Variants in ARL8A observed in about 807,000 individuals in gnomAD.
ARL8A encodes the protein ADP-ribosylation factor-like protein 8A.
Under a neutral mutation model 31.2 loss-of-function variants are expected in ARL8A, and 10 were observed. That is an observed-to-expected ratio of 0.32 (90% confidence interval 0.20 to 0.54). The LOEUF is 0.54. Ranked by LOEUF, ARL8A falls within the 20% of genes least tolerant of loss-of-function variation. The probability of loss-of-function intolerance (pLI) is 0.93; values close to 1 mark genes in which losing one functional copy is unlikely to be tolerated. For missense variants in ARL8A, 129 were observed against 242.8 expected (o/e 0.53, Z 3.12); for synonymous variants, 70 against 86.9 (o/e 0.81, Z 1.08).
chr1:202,137,899 T>C lies in ARL8A; in HGVS notation c.278+66A>G. On this transcript the variant is annotated intron_variant, in intron 3 of 6. Transcript: ENST00000272217. ...ATAAAACCCTGCGCCTCTGAGGTCC[T>C]CGAAGGTAGCAGGGCTAGGGGGGCC... The C allele has an allele frequency of 1.9e-6, 3 of 1,571,156 alleles. No homozygotes were observed. The South Asian group carries it at 3.4e-5, about 18-fold the overall frequency.
chr1:202,134,577 A>G lies in ARL8A; in HGVS notation c.512-61T>C. ...CAAGTACTGGCCGTGCTGGGGCAGC[A>G]GAGAGGCCCAAGAAACCAAACCTAA... On this transcript the variant is annotated intron_variant, in intron 6 of 6. Coordinates refer to ENST00000272217, the MANE Select transcript of ARL8A (RefSeq NM_138795.4). This position sits in a 1 kb window ranked among gnomAD's most constrained non-coding sequence, Gnocchi z 4.2. 1 of 1,512,658 alleles carries G rather than the reference A, an allele frequency of 6.6e-7. No homozygotes were observed. The allele number at this position is 1,512,658 out of a possible 1,614,324, so 93.7% of individuals were successfully genotyped here.
Position 202,135,998 on chromosome 1 carries a change from G to A in ARL8A, c.279-198C>T, listed in dbSNP as rs796861647. 1.3e-5 allele frequency among the ~76,000 whole-genome samples: 2 copies of A among 152,142 alleles called. No homozygotes were observed. The highest frequency in any genetic ancestry group is 2.9e-5 in the Non-Finnish European group (2 of 68,026). On this transcript the variant is annotated intron_variant, in intron 3 of 6. Coordinates refer to ENST00000272217, the MANE Select transcript of ARL8A (RefSeq NM_138795.4). This position sits in a 1 kb window ranked among gnomAD's most constrained non-coding sequence, Gnocchi z 5.3. The stretch of plus-strand genomic sequence containing the variant: ...AGTCTATGGGAGTGAACAGCTGCAG[G>A]GACTCCTTAGGCCTGCCATTAGCCT...
Position 202,135,871 on chromosome 1 carries a change from A to T in ARL8A, c.279-71T>A. ...CTGAGGTGGTGCAAGGAAGAGAAGGAGCTGCTGCTTGGAGGTGAAAGCATC... is the reference window on the plus strand; with the variant it reads ...CTGAGGTGGTGCAAGGAAGAGAAGGTGCTGCTGCTTGGAGGTGAAAGCATC... On this transcript the variant is annotated intron_variant, in intron 3 of 6. Coordinates refer to ENST00000272217, the MANE Select transcript of ARL8A (RefSeq NM_138795.4). This position sits in a 1 kb window ranked among gnomAD's most constrained non-coding sequence, Gnocchi z 5.3. 1 of 1,396,448 alleles carries T rather than the reference A, an allele frequency of 7.2e-7. No homozygotes were observed. The highest frequency in any genetic ancestry group is 1.0e-6 in the Non-Finnish European group (1 of 985,552). 86.5% of individuals were successfully genotyped at this position (1,396,448 alleles called of 1,614,324 possible).
chr1:202,135,283 G>T lies in ARL8A; in HGVS notation c.441-63C>A. Reference sequence around the variant, plus strand: ...ACGTCCAGGGGGCCTGGGGCTAGGGGACAGCGGGGCCTTTTTCTTACCTAA... The same window carrying T: ...ACGTCCAGGGGGCCTGGGGCTAGGGTACAGCGGGGCCTTTTTCTTACCTAA... On this transcript the variant is annotated intron_variant, in intron 5 of 6. Coordinates refer to ENST00000272217, the MANE Select transcript of ARL8A (RefSeq NM_138795.4). This position sits in a 1 kb window ranked among gnomAD's most constrained non-coding sequence, Gnocchi z 5.3. The T allele has an allele frequency of 6.5e-7, 1 of 1,542,122 alleles. No homozygotes were observed. The highest frequency in any genetic ancestry group is 9.0e-7 in the Non-Finnish European group (1 of 1,115,032).
At position 202,133,777 on chromosome 1, in the gene ARL8A, C is replaced by T. The variant is rs955996589; in HGVS notation, c.*690G>A. The T allele has an allele frequency of 2.0e-5, 3 of 152,082 alleles. No individual in the cohort carries two copies. The highest frequency in any genetic ancestry group is 2.1e-4 in the South Asian group (1 of 4,818). 9.4% of individuals were successfully genotyped at this position (152,082 alleles called of 1,614,324 possible). On this transcript the variant is annotated 3_prime_UTR_variant, in exon 7 of 7. Coordinates refer to ENST00000272217, the MANE Select transcript of ARL8A (RefSeq NM_138795.4). The stretch of plus-strand genomic sequence containing the variant: ...TGCCTGGTGGTTTCTGGTACCTGGT[C>T]GTCGTACCTGGTGGCTCTACCCAGG...
chr1:202,143,221 C>T (rs1176371905), intron 1 of ARL8A, among the ~76,000 whole-genome samples: 1 of 152,216 alleles, frequency 6.6e-6, no homozygotes, highest in African/African-American at 2.4e-5. Context: ...TGTGTAACCA[C>T]AGGATGCCCG....
intron 1 of ARL8A, among the ~76,000 whole-genome samples, chr1:202,143,861 T>C (rs1655229553): frequency 6.6e-6 from 1 of 152,226 alleles, no homozygotes; most frequent in Non-Finnish European, 1.5e-5. Context: ...CGGGGAGAAG[T>C]TGGGGAGGAG....
At chr1:202,143,863 G>C (rs1655229630) in intron 1 of ARL8A, among the ~76,000 whole-genome samples, 1 of 152,228 alleles carries the variant, frequency 6.6e-6, no homozygotes, top group Non-Finnish European at 1.5e-5. Flanking sequence ...GGGAGAAGTT[G>C]GGGAGGAGTC....
At position 202,135,544 on chromosome 1, in the gene ARL8A, T is replaced by G. The variant is rs1571718860; in HGVS notation, c.373-18A>C. The G allele has an allele frequency of 6.2e-7, 1 of 1,613,260 alleles. No homozygotes were observed. Among genetic ancestry groups the G allele is most frequent in the Non-Finnish European group, 8.5e-7 (1 of 1,179,554 alleles). ...ACTAAGACCTACGGAGAAGGGAGGGTGAGGATGAGGTCTAGGGCAGCCGTG... is the reference window on the plus strand; with the variant it reads ...ACTAAGACCTACGGAGAAGGGAGGGGGAGGATGAGGTCTAGGGCAGCCGTG... On this transcript the variant is annotated intron_variant, in intron 4 of 6. Transcript: ENST00000272217. This position sits in a 1 kb window ranked among gnomAD's most constrained non-coding sequence, Gnocchi z 5.3.
At position 202,143,968 on chromosome 1, in the gene ARL8A, GGGGTTAAGCCCTCT is replaced by G. The variant is rs572215490; in HGVS notation, c.123+468_123+481del. On this transcript the variant is annotated intron_variant, in intron 1 of 6. Transcript: ENST00000272217. ...CCGGGGCTTCCTCTTCCGGCAAGGA[GGGGTTAAGCCCTCT>G]GGGTGGGGCTGGGCTTGCCCAAACC... 4.0e-3 allele frequency among the ~76,000 whole-genome samples: 608 copies of G among 152,350 alleles called. 4 individuals are homozygous for G. Among genetic ancestry groups the G allele is most frequent in the African/African-American group, 0.013 (548 of 41,590 alleles).
At chr1:202,143,153 C>G (rs559711474) in intron 1 of ARL8A, among the ~76,000 whole-genome samples, 29 of 152,224 alleles carry the variant, frequency 1.9e-4, no homozygotes, top group Non-Finnish European at 1.2e-4. Flanking sequence ...GACACTGGGT[C>G]GAGAAAGGGC....
rs76292142 is a variant in ARL8A, at chr1:202,138,185, C to T, written c.205-147G>A. ...TTCTCCCCCGTCTCCACCCGCTCTC[C>T]GTCTACCTTAGAAGTCTTCTACTGT... is the stretch of plus-strand genomic sequence containing the variant. On this transcript the variant is annotated intron_variant, in intron 2 of 6. Coordinates refer to ENST00000272217, the MANE Select transcript of ARL8A (RefSeq NM_138795.4). This position sits in a 1 kb window ranked among gnomAD's most constrained non-coding sequence, Gnocchi z 4.4. The T allele has an allele frequency of 4.0e-4, 462 of 1,157,826 alleles. 2 individuals carry two copies. The Middle Eastern group carries it at 5.0e-3, about 12-fold the overall frequency. The allele number at this position is 1,157,826 out of a possible 1,614,324, so 71.7% of individuals were successfully genotyped here.
At position 202,144,389 on chromosome 1, in the gene ARL8A, G is replaced by T; in HGVS notation, c.123+61C>A. The T allele has an allele frequency of 1.9e-6, 2 of 1,072,252 alleles. No individual in the cohort carries two copies. Among genetic ancestry groups the T allele is most frequent in the South Asian group, 3.0e-5 (1 of 33,432 alleles). The allele number at this position is 1,072,252 out of a possible 1,614,324, so 66.4% of individuals were successfully genotyped here. A position where few individuals can be genotyped will look rare whatever the true frequency, so the allele number is the denominator to read the frequency against. ...CCCCGGCTCAGCAGGGCGCGGCGCG[G>T]GCGGGGACAGGCCCGACCCGCGGCC... On this transcript the variant is annotated intron_variant, in intron 1 of 6. Transcript: ENST00000272217. This position sits in a 1 kb window ranked among gnomAD's most constrained non-coding sequence, Gnocchi z 5.2.
Position 202,135,289 on chromosome 1 carries a change from G to C in ARL8A, c.441-69C>G. On this transcript the variant is annotated intron_variant, in intron 5 of 6. Coordinates refer to ENST00000272217, the MANE Select transcript of ARL8A (RefSeq NM_138795.4). This position sits in a 1 kb window ranked among gnomAD's most constrained non-coding sequence, Gnocchi z 5.3. ...AGGGGGCCTGGGGCTAGGGGACAGC[G>C]GGGCCTTTTTCTTACCTAAGAGGCT... The C allele has an allele frequency of 6.5e-7, 1 of 1,531,594 alleles. No homozygotes were observed. Among genetic ancestry groups the C allele is most frequent in the Non-Finnish European group, 9.0e-7 (1 of 1,105,764 alleles). 94.9% of individuals were successfully genotyped at this position (1,531,594 alleles called of 1,614,324 possible).
chr1:202,143,456 CT>C (rs1655216793), intron 1 of ARL8A, among the ~76,000 whole-genome samples: 1 of 152,220 alleles, frequency 6.6e-6, no homozygotes, highest in South Asian at 2.1e-4. Context: ...GAAACCTCAG[CT>C]TTGGGACTGG....
chr1:202,134,984 C>G lies in ARL8A; in HGVS notation c.511+166G>C, dbSNP rs1192160154. ...TGCCCGAGATCACACAACCGCTTGG[C>G]GACAAGCTGGGATAGTGCCCAGAAT... On this transcript the variant is annotated intron_variant, in intron 6 of 6. Transcript: ENST00000272217. The surrounding 1 kb of genome is among the most constrained non-coding windows in gnomAD (Gnocchi z 4.2). 6.6e-6 allele frequency among the ~76,000 whole-genome samples: 1 copy of G among 152,148 alleles called. No homozygotes were observed. Among genetic ancestry groups the G allele is most frequent in the Admixed American group, 6.5e-5 (1 of 15,270 alleles).
intron 3 of ARL8A, among the ~76,000 whole-genome samples, 195 bp downstream of exon 3, chr1:202,137,770 G>T (rs1181337722): frequency 6.6e-6 from 1 of 152,232 alleles, no homozygotes; most frequent in Non-Finnish European, 1.5e-5. Context: ...TTCTTAGATT[G>T]GGTAGTGAGT....
intron 1 of ARL8A, among the ~76,000 whole-genome samples, chr1:202,140,854 C>G (rs953092227): frequency 6.6e-6 from 1 of 152,208 alleles, no homozygotes; most frequent in African/African-American, 2.4e-5. Flanking sequence ...TCTTGTTTGT[C>G]TCTCATCCCA....
At chr1:202,140,212 CTCTGCCTCCTGGGTTCAAGCAGT>C (rs1304535207) in intron 1 of ARL8A, among the ~76,000 whole-genome samples, 1 of 151,062 alleles carries the variant, frequency 6.6e-6, no homozygotes, top group Non-Finnish European at 1.5e-5. Context: ...TCACTGTAGC[CTCTGCCTCCTGGGTTCAAGCAGT>C]TCTCCTGCCT....
Sources: allele counts gnomAD v4.1 joint callset (sites outside exome capture counted in the v4.1 genomes callset), GRCh38; gene constraint gnomAD v4.1.1; non-coding constraint Gnocchi (gnomAD v3.1); transcripts MANE v1.5; gene names NCBI Gene and HGNC (gene_info 2026-07-23, HGNC 2026-07-21).